The following PLA2G4D variants were observed in gnomAD, a reference collection of about 807,000 sequenced individuals.
PLA2G4D encodes the protein cytosolic phospholipase A2 delta.
Under a neutral mutation model 94.4 loss-of-function variants are expected in PLA2G4D, and 80 were observed. The ratio of observed to expected loss-of-function variants is 0.85; its 90% confidence interval spans 0.71 to 1.02. The LOEUF (loss-of-function observed/expected upper bound fraction) is 1.02. Among genes scored for constraint, PLA2G4D ranks in the 50% least tolerant of loss-of-function variants. PLA2G4D has a pLI of 0.00. For synonymous variants in PLA2G4D, 438 were observed against 440.9 expected (o/e 0.99, Z 0.08); for missense variants, 1,050 against 1,034.7 (o/e 1.01, Z -0.20).
At chr15:42,076,496 C>T (rs1011687388) in intron 13 of PLA2G4D, among the ~76,000 whole-genome samples, 4 of 151,798 alleles carry the variant, frequency 2.6e-5, no homozygotes, top group Admixed American at 6.6e-5. Context: ...GGATTCACAT[C>T]GAGAATACAT....
chr15:42,087,741 C>T (rs79813811), intron 1 of PLA2G4D, 41 bp from the exon 2 acceptor site: 1 of 1,596,436 alleles, frequency 6.3e-7, no homozygotes. Context: ...CCTGCATTCC[C>T]TCCCTTATGC....
In PLA2G4D at chr15:42,085,130, C is replaced by G. The variant is rs758695188; in HGVS notation, c.437G>C (p.Arg146Pro). Residue 146 changes from arginine to proline, a missense_variant, in exon 6 of 20, where the codon CGC becomes CCC. Physicochemically the swap from Arg to Pro is moderately radical, Grantham distance 103. Transcript: ENST00000290472. ...TTTGTTGGTGATGAGGTTTTCTGGGCGATCTGACCTGGAAAAATCAAACCA... is the reference window on the plus strand; with the variant it reads ...TTTGTTGGTGATGAGGTTTTCTGGGGGATCTGACCTGGAAAAATCAAACCA... ...VEFLMEETSDRPENLITNKVI... is the reference protein window; with the variant it reads ...VEFLMEETSDPPENLITNKVI... 2 of 1,614,192 alleles carry G rather than the reference C, an allele frequency of 1.2e-6. No individual in the cohort carries two copies. Among genetic ancestry groups the G allele is most frequent in the East Asian group, 4.5e-5 (2 of 44,872 alleles).
chr15:42,089,619 C>T lies in PLA2G4D; in HGVS notation c.46-1919G>A, dbSNP rs148800497. On this transcript the variant is annotated intron_variant, in intron 1 of 19. Coordinates refer to ENST00000290472, the MANE Select transcript of PLA2G4D (RefSeq NM_178034.4). ...ACTTTGGGACATCTAGCTCCATTTC[C>T]TCCCCTCACTCAGATTCCACCACTG... is the stretch of plus-strand genomic sequence containing the variant. 4.0e-4 allele frequency among the ~76,000 whole-genome samples: 61 copies of T among 152,320 alleles called. No individual in the cohort carries two copies. The East Asian group carries it at 8.9e-3, about 22-fold the overall frequency.
chr15:42,087,197 A>G, intron 3 of PLA2G4D, 103 bp downstream of exon 3: 1 of 1,465,222 alleles, frequency 6.8e-7, no homozygotes, highest in African/African-American at 1.4e-5. Flanking sequence ...TACTGCTGAG[A>G]GTTTCTCTGA....
intron 12 of PLA2G4D, 103 bp downstream of exon 12, chr15:42,080,894 T>C: frequency 1.4e-6 from 2 of 1,413,994 alleles, no homozygotes; most frequent in South Asian, 1.4e-5. Context: ...ATCACAATGA[T>C]CACACCTACT....
At chr15:42,089,979 G>T (rs561650973) in intron 1 of PLA2G4D, among the ~76,000 whole-genome samples, 1 of 152,256 alleles carries the variant, frequency 6.6e-6, no homozygotes, top group East Asian at 1.9e-4. Context: ...GAAAAATCCC[G>T]ATTCTCTTCA....
chr15:42,088,014 G>T (rs1456731077), intron 1 of PLA2G4D, among the ~76,000 whole-genome samples: 8 of 152,196 alleles, frequency 5.3e-5, no homozygotes, highest in Non-Finnish European at 1.5e-5. Context: ...CCAAGGAGTG[G>T]CAACCACAGA....
intron 13 of PLA2G4D, among the ~76,000 whole-genome samples, chr15:42,077,258 G>T (rs1889948874): frequency 6.6e-6 from 1 of 152,126 alleles, no homozygotes; most frequent in Non-Finnish European, 1.5e-5. Flanking sequence ...TGATACAAAA[G>T]CCAGATAAGG....
intron 9 of PLA2G4D, 58 bp downstream of exon 9, chr15:42,082,221 A>G: frequency 1.4e-6 from 2 of 1,434,832 alleles, no homozygotes; most frequent in Non-Finnish European, 2.0e-6. Context: ...CTTGAGCCAC[A>G]GAGCCCAGCC....
At chr15:42,086,453 C>T (rs1214417874) in intron 3 of PLA2G4D, 109 bp from the exon 4 acceptor site, 4 of 1,028,902 alleles carry the variant, frequency 3.9e-6, no homozygotes, top group South Asian at 1.4e-5. Flanking sequence ...CATTATGCCA[C>T]CACACGTCTG....
At chr15:42,087,772 G>T in intron 1 of PLA2G4D, 72 bp from the exon 2 acceptor site, 1 of 1,484,256 alleles carries the variant, frequency 6.7e-7, no homozygotes, top group Non-Finnish European at 9.3e-7. Flanking sequence ...AGCCCGGGCT[G>T]CCGACACCCC....
At position 42,081,602 on chromosome 15, in the gene PLA2G4D, C is replaced by T; in HGVS notation, c.834G>A (p.Leu278=). The part of the protein sequence containing the change: ...QLKAEGCPEE[L]AVHLGFNLCA... ...AGAGATTGAAGCCCAGGTGCACGGCCAGCTCCTCAGGGCTGTGGCAATGGA... is the reference window on the plus strand; with the variant it reads ...AGAGATTGAAGCCCAGGTGCACGGCTAGCTCCTCAGGGCTGTGGCAATGGA... Residue 278 remains leucine, a synonymous_variant, in exon 11 of 20, where the codon CTG becomes CTA. Coordinates refer to ENST00000290472, the MANE Select transcript of PLA2G4D (RefSeq NM_178034.4). 6.2e-7 allele frequency: 1 copy of T among 1,614,116 alleles called. No individual in the cohort carries two copies. The highest frequency in any genetic ancestry group is 8.5e-7 in the Non-Finnish European group (1 of 1,179,972).
rs398027016 is a variant in PLA2G4D at position 42,081,927 on chromosome 15, C to CTTTTTT, written c.784-99_784-94dup. ...GGACTTGGTCCCCTTCATCTTCATT[C>CTTTTTT]TTTTTTTTTTTTTTTTTTTTTGAGA... is the stretch of plus-strand genomic sequence containing the variant. On this transcript the variant is annotated intron_variant, in intron 9 of 19. Coordinates refer to ENST00000290472, the MANE Select transcript of PLA2G4D (RefSeq NM_178034.4). The CTTTTTT allele has an allele frequency of 4.9e-4, 348 of 705,000 alleles. 1 individual carries two copies. Among genetic ancestry groups the CTTTTTT allele is most frequent in the African/African-American group, 6.0e-4 (27 of 45,274 alleles). 43.7% of individuals were successfully genotyped at this position (705,000 alleles called of 1,614,324 possible). A position where few individuals can be genotyped will look rare whatever the true frequency, so the allele number is the denominator to read the frequency against.
intron 10 of PLA2G4D, 86 bp downstream of exon 10, chr15:42,081,711 C>A: frequency 6.2e-7 from 1 of 1,612,314 alleles, no homozygotes; most frequent in Non-Finnish European, 8.5e-7. Flanking sequence ...GCCCTCTCCT[C>A]CAATCTCAAG....
At chr15:42,094,357 G>A in intron 1 of PLA2G4D, 58 bp downstream of exon 1, 1 of 1,589,926 alleles carries the variant, frequency 6.3e-7, no homozygotes, top group Admixed American at 1.7e-5. Context: ...TTCCCAGAAT[G>A]CACCCTGGCT....
chr15:42,070,041 C>T lies in PLA2G4D; in HGVS notation c.2098G>A (p.Val700Met), dbSNP rs1212667683. 6.6e-7 allele frequency: 1 copy of T among 1,519,808 alleles called. No homozygotes were observed. Among genetic ancestry groups the T allele is most frequent in the Non-Finnish European group, 8.8e-7 (1 of 1,134,016 alleles). 94.1% of individuals were successfully genotyped at this position (1,519,808 alleles called of 1,614,324 possible). A position where few individuals can be genotyped will look rare whatever the true frequency, so the allele number is the denominator to read the frequency against. ...TGCTGGTCCTGAGGGCTGGGTTCCACCCGGGGGAAGGGCAGCCCCCGGGCC... is the reference window on the plus strand; with the variant it reads ...TGCTGGTCCTGAGGGCTGGGTTCCATCCGGGGGAAGGGCAGCCCCCGGGCC... ...CRARGLPFPR[V>M]EPSPQDQHQP... The change falls in exon 19 of 20, where the codon GTG becomes ATG. Residue 700 changes from valine to methionine, a missense_variant. Coordinates refer to ENST00000290472, the MANE Select transcript of PLA2G4D (RefSeq NM_178034.4).
intron 18 of PLA2G4D, 188 bp from the exon 19 acceptor site, chr15:42,070,283 A>C: frequency 1.7e-6 from 1 of 585,914 alleles, no homozygotes; most frequent in Non-Finnish European, 2.8e-6. Flanking sequence ...GTGGTCTGCA[A>C]TGTTGTTTGG....
intron 1 of PLA2G4D, among the ~76,000 whole-genome samples, chr15:42,092,732 G>A (rs771574653): frequency 8.5e-5 from 13 of 152,136 alleles, no homozygotes; most frequent in Non-Finnish European, 1.8e-4. Flanking sequence ...TCCTTCTTCC[G>A]GTGGAGAGGC....
intron 1 of PLA2G4D, among the ~76,000 whole-genome samples, chr15:42,094,136 A>G (rs777571647): frequency 5.3e-5 from 8 of 152,016 alleles, no homozygotes; most frequent in South Asian, 2.1e-4. Flanking sequence ...CCCAGCCACT[A>G]TGTTCTCCGA....
Sources: gnomAD v4.1 joint callset for allele counts (sites outside exome capture counted in the v4.1 genomes callset) on GRCh38, gnomAD v4.1.1 for gene constraint, MANE v1.5 for transcripts, NCBI Gene and HGNC (gene_info 2026-07-23, HGNC 2026-07-21) for gene names.